TULP1: variants seen among roughly 807,000 people sequenced by gnomAD.
TULP1 encodes the protein TUB like protein 1.
TULP1 carries 50 observed loss-of-function variants against 67.1 expected under a neutral mutation model. The ratio of observed to expected loss-of-function variants is 0.75; its 90% confidence interval spans 0.59 to 0.94. TULP1 has a LOEUF of 0.94. TULP1 is among the 40% of genes least tolerant of loss of function. The pLI is 0.00. For synonymous variants in TULP1, 297 were observed against 294.0 expected, an observed-to-expected ratio of 1.01 and a Z score of -0.11; for missense variants, 746 against 734.1, an observed-to-expected ratio of 1.02 and a Z score of -0.19.
At chr6:35,502,951 T>C (rs1002829517) in intron 13 of TULP1, among the ~76,000 whole-genome samples, 1 of 151,836 alleles carries the variant, frequency 6.6e-6, no homozygotes, top group Admixed American at 6.6e-5. Flanking sequence ...TGTTTTGTTT[T>C]TTATGAGATG....
Position 35,498,353 on chromosome 6 carries a change from A to C in TULP1, c.1603T>G (p.Phe535Val). 1 of 1,612,958 alleles carries C rather than the reference A, an allele frequency of 6.2e-7. No homozygotes were observed. The highest frequency in any genetic ancestry group is 8.5e-7 in the Non-Finnish European group (1 of 1,179,690). Residue 535 changes from phenylalanine (F) to valine (V), a missense_variant, in exon 15 of 15, where the codon TTC (phenylalanine) becomes GTC (valine). Phe to Val is a conservative substitution (Grantham distance 50). Coordinates refer to ENST00000229771, the MANE Select transcript of TULP1 (RefSeq NM_003322.6). The surrounding 1 kb of genome is among the most constrained non-coding windows in gnomAD (Gnocchi z 6.7). ...LQAFAIALSSFDGKLACE is the reference protein window; with the variant it reads ...LQAFAIALSSVDGKLACE ...CACTCGCAGGCCAGCTTCCCGTCGAAACTGGAGAGGGCGATGGCGAAGGCC... is the reference window on the plus strand; with the variant it reads ...CACTCGCAGGCCAGCTTCCCGTCGACACTGGAGAGGGCGATGGCGAAGGCC...
Position 35,498,398 on chromosome 6 carries a change from A to G in TULP1, c.1558T>C (p.Tyr520His). The G allele has an allele frequency of 4.3e-6, 7 of 1,613,874 alleles. No individual in the cohort carries two copies. Among genetic ancestry groups the G allele is most frequent in the Non-Finnish European group, 5.9e-6 (7 of 1,179,974 alleles). The change falls in exon 15 of 15, where the codon TAC (tyrosine) becomes CAC (histidine). Residue 520 changes from tyrosine (Y) to histidine (H), a missense_variant. This residue lies in a region of TULP1 where 383 missense variants were observed against 374.1 expected (regional missense o/e 1.02). Transcript: ENST00000229771. This position sits in a 1 kb window ranked among gnomAD's most constrained non-coding sequence, Gnocchi z 6.7. ...AAGGCCTGCAGGGCGCACAGCGGGT[A>G]CCGGTAGTCTAGGGTGAAGGCGTCC... Reference protein sequence around the residue: ...AEDAFTLDYRYPLCALQAFAI... With the variant: ...AEDAFTLDYRHPLCALQAFAI...
At chr6:35,511,161 C>G in intron 4 of TULP1, 151 bp from the exon 5 acceptor site, 1 of 1,500,502 alleles carries the variant, frequency 6.7e-7, no homozygotes, top group Non-Finnish European at 8.9e-7. Flanking sequence ...GGCACCTTCC[C>G]AGAAGAATGA....
chr6:35,512,852 G>A lies in TULP1; in HGVS notation c.7C>T (p.Leu3=), dbSNP rs1269509447. The change falls in exon 1 of 15, where the codon CTG becomes TTG. Residue 3 remains leucine (L), a synonymous_variant. Transcript: ENST00000229771. ...ACCTCTCGGAGGGTTTCATCCCGCA[G>A]AGGCATGGTGCCTTTGCCTATCGCA... MP[L]RDETLREVWA... is the part of the protein sequence containing the mutation. The A allele has an allele frequency of 1.4e-5, 22 of 1,612,514 alleles. No homozygotes were observed. Among genetic ancestry groups the A allele is most frequent in the Middle Eastern group, 1.8e-4 (1 of 5,626 alleles).
In TULP1 at chr6:35,498,333, G is replaced by T; in HGVS notation, c.1623C>A (p.Cys541Ter). 2.5e-6 allele frequency: 4 copies of T among 1,612,242 alleles called. No individual in the cohort carries two copies. Among genetic ancestry groups the T allele is most frequent in the Non-Finnish European group, 3.4e-6 (4 of 1,179,460 alleles). Residue 541 changes from cysteine (C) to a stop codon, truncating the protein, a stop_gained, in exon 15 of 15, where the codon TGC (cysteine) becomes TGA (stop). Transcript: ENST00000229771. LOFTEE classifies it high-confidence loss of function. The surrounding 1 kb of genome is among the most constrained non-coding windows in gnomAD (Gnocchi z 6.7). ...CGCTGAGGGGCTGCTGGGGTCACTCGCAGGCCAGCTTCCCGTCGAAACTGG... is the reference window on the plus strand; with the variant it reads ...CGCTGAGGGGCTGCTGGGGTCACTCTCAGGCCAGCTTCCCGTCGAAACTGG... ...ALSSFDGKLA[C>*]E
At chr6:35,510,708 C>G (rs1349225747) in intron 5 of TULP1, 153 bp downstream of exon 5, 1 of 1,552,522 alleles carries the variant, frequency 6.4e-7, no homozygotes, top group African/African-American at 1.4e-5. Context: ...TAAGGACCAT[C>G]GTGGGGAGAA....
chr6:35,504,141 A>G, intron 11 of TULP1: 1 of 355,424 alleles, frequency 2.8e-6, no homozygotes, highest in East Asian at 6.1e-5. Context: ...CATGGCAGAC[A>G]ACGCTGTCTC....
chr6:35,498,422 C>T lies in TULP1; in HGVS notation c.1534G>A (p.Asp512Asn), dbSNP rs369456367. The change falls in exon 15 of 15, where the codon GAC becomes AAC. Residue 512 changes from aspartate to asparagine, a missense_variant. Coordinates refer to ENST00000229771, the MANE Select transcript of TULP1 (RefSeq NM_003322.6). This position sits in a 1 kb window ranked among gnomAD's most constrained non-coding sequence, Gnocchi z 6.7. ...IVLQFGRVAE[D>N]AFTLDYRYPL... Reference sequence around the variant, plus strand: ...TACCGGTAGTCTAGGGTGAAGGCGTCCTCCGCCACGCGGCCGAACTGCAGC... The same window carrying T: ...TACCGGTAGTCTAGGGTGAAGGCGTTCTCCGCCACGCGGCCGAACTGCAGC... 6.2e-7 allele frequency: 1 copy of T among 1,613,866 alleles called. No individual in the cohort carries two copies. The highest frequency in any genetic ancestry group is 1.3e-5 in the African/African-American group (1 of 74,942).
intron 13 of TULP1, among the ~76,000 whole-genome samples, chr6:35,502,923 G>A (rs1039056562): frequency 1.3e-5 from 2 of 151,844 alleles, no homozygotes; most frequent in Admixed American, 1.3e-4. Flanking sequence ...GCAGAGCTTT[G>A]GTTTTTTTGT....
chr6:35,498,400 C>T lies in TULP1; in HGVS notation c.1556G>A (p.Arg519Gln). ...GGCCTGCAGGGCGCACAGCGGGTAC[C>T]GGTAGTCTAGGGTGAAGGCGTCCTC... ...VAEDAFTLDY[R>Q]YPLCALQAFA... The change falls in exon 15 of 15, where the codon CGG becomes CAG. Residue 519 changes from arginine to glutamine, a missense_variant. By Grantham distance (43) the Arg-to-Gln change is conservative. This residue lies in a region of TULP1 where 383 missense variants were observed against 374.1 expected (regional missense o/e 1.02). Coordinates refer to ENST00000229771, the MANE Select transcript of TULP1 (RefSeq NM_003322.6). This position sits in a 1 kb window ranked among gnomAD's most constrained non-coding sequence, Gnocchi z 6.7. 6.2e-7 allele frequency: 1 copy of T among 1,613,940 alleles called. No individual in the cohort carries two copies.
intron 3 of TULP1, 128 bp from the exon 4 acceptor site, chr6:35,511,934 G>C (rs1761213896): frequency 8.9e-7 from 1 of 1,120,274 alleles, no homozygotes; most frequent in South Asian, 1.7e-5. Context: ...CCCTGGGCTT[G>C]GGTTTCCACT....
chr6:35,506,864 G>A lies in TULP1; in HGVS notation c.823-585C>T, dbSNP rs1384884254. Among the ~76,000 whole-genome samples, 3 of 152,190 alleles carry A rather than the reference G, an allele frequency of 2.0e-5. No homozygotes were observed. The East Asian group carries it at 5.8e-4, about 29-fold the overall frequency. Reference sequence around the variant, plus strand: ...TCCTTTGCACACTGTCTCAGGCAGTGAAGTGGGGCTAACAGAATGGACTGC... The same window carrying A: ...TCCTTTGCACACTGTCTCAGGCAGTAAAGTGGGGCTAACAGAATGGACTGC... On this transcript the variant is annotated intron_variant, in intron 8 of 14. Coordinates refer to ENST00000229771, the MANE Select transcript of TULP1 (RefSeq NM_003322.6).
intron 14 of TULP1, among the ~76,000 whole-genome samples, chr6:35,499,568 G>A (rs991698408): frequency 6.6e-6 from 1 of 152,232 alleles, no homozygotes; most frequent in African/African-American, 2.4e-5. Context: ...TCGAGGGCCA[G>A]TGTAACTTCC....
In TULP1 at chr6:35,506,245, GACACGGGCAGCC is replaced by G; in HGVS notation, c.828+17_828+28del. On this transcript the variant is annotated intron_variant, in intron 9 of 14. Coordinates refer to ENST00000229771, the MANE Select transcript of TULP1 (RefSeq NM_003322.6). ...CGCTCCCAGCAGGTCCCAGTGCTGA[GACACGGGCAGCC>G]CGGCAGGACAACTCACCGCTTTCTG... is the stretch of plus-strand genomic sequence containing the variant. 6.2e-7 allele frequency: 1 copy of G among 1,602,810 alleles called. No individual in the cohort carries two copies. The highest frequency in any genetic ancestry group is 1.7e-5 in the Admixed American group (1 of 57,870).
chr6:35,509,527 G>A (rs549550074), intron 7 of TULP1, 107 bp downstream of exon 7: 5 of 1,256,456 alleles, frequency 4.0e-6, no homozygotes, highest in African/African-American at 2.9e-5. Context: ...CTCTAGACCT[G>A]GCAAACTCCT....
chr6:35,509,142 C>T, intron 8 of TULP1, 67 bp downstream of exon 8: 3 of 1,448,712 alleles, frequency 2.1e-6, no homozygotes, highest in East Asian at 2.3e-5. Context: ...CCTCTAGGCT[C>T]CCAAGTCCAG....
rs1302861204 is a variant in TULP1 at position 35,497,922 on chromosome 6, C to A, written c.*405G>T. On this transcript the variant is annotated 3_prime_UTR_variant, in exon 15 of 15. Transcript: ENST00000229771. ...GGGGATGTGGGTGCCTGGCCCTCGT[C>A]CCCCATCACCTACCCCCTCCTCCTA... The A allele has an allele frequency of 1.1e-5, 3 of 272,790 alleles. No homozygotes were observed. Among genetic ancestry groups the A allele is most frequent in the South Asian group, 4.6e-5 (1 of 21,862 alleles). 16.9% of individuals were successfully genotyped at this position (272,790 alleles called of 1,614,324 possible).
chr6:35,510,030 A>G, intron 5 of TULP1, 102 bp from the exon 6 acceptor site: 1 of 1,108,052 alleles, frequency 9.0e-7, no homozygotes, highest in South Asian at 1.3e-5. Flanking sequence ...GGAGGCTGAA[A>G]GCTTGACAGG....
At chr6:35,500,773 C>T (rs1299108979) in intron 13 of TULP1, among the ~76,000 whole-genome samples, 1 of 152,178 alleles carries the variant, frequency 6.6e-6, no homozygotes, top group Non-Finnish European at 1.5e-5. Flanking sequence ...TCCCACTGCA[C>T]TGTAATTGGC....
Sources: gnomAD v4.1 joint callset for allele counts (sites outside exome capture counted in the v4.1 genomes callset) on GRCh38, gnomAD v4.1.1 for gene constraint, gnomAD v4.1.1 regional missense constraint, Gnocchi (gnomAD v3.1) non-coding constraint, MANE v1.5 for transcripts, NCBI Gene and HGNC (gene_info 2026-07-23, HGNC 2026-07-21) for gene names.